The following EYS variants were observed in gnomAD, a reference collection of about 807,000 sequenced individuals.
The protein encoded by EYS is protein eyes shut homolog.
A neutral mutation model predicts 282.1 loss-of-function variants in EYS; 250 were observed. That is an observed-to-expected ratio of 0.89 (90% CI 0.80 to 0.98). The LOEUF (loss-of-function observed/expected upper bound fraction) is 0.98. Among genes scored for constraint, EYS ranks in the 50% least tolerant of loss-of-function variants. The pLI is 0.00. For missense variants in EYS, 4,016 were observed against 3,709.0 expected, an observed-to-expected ratio of 1.08 and a Z score of -2.15; for synonymous variants, 1,355 against 1,282.9, an observed-to-expected ratio of 1.06 and a Z score of -1.20.
chr6:64,155,596 A>G (rs1218954514), intron 31 of EYS, among the ~76,000 whole-genome samples: 1 of 152,180 alleles, frequency 6.6e-6, no homozygotes, highest in Non-Finnish European at 1.5e-5. Context: ...CTTTTATGAC[A>G]TACTAATATA....
chr6:65,123,786 AC>A (rs1321890892), intron 12 of EYS, among the ~76,000 whole-genome samples: 2 of 150,454 alleles, frequency 1.3e-5, no homozygotes, highest in African/African-American at 2.5e-5. Context: ...ACACACACAC[AC>A]TAGTTTAGTC....
chr6:64,196,070 A>G (rs1416885045), intron 31 of EYS, among the ~76,000 whole-genome samples: 2 of 152,228 alleles, frequency 1.3e-5, no homozygotes, highest in Non-Finnish European at 2.9e-5. Context: ...AACCCCATCA[A>G]AAAGTGGGCA....
chr6:64,298,628 T>C (rs950096430), intron 30 of EYS, among the ~76,000 whole-genome samples: 5 of 152,058 alleles, frequency 3.3e-5, no homozygotes, highest in African/African-American at 1.2e-4. Context: ...AGACAAAAAC[T>C]ATCAAGAATA....
At chr6:64,116,683 A>G (rs1773397286) in intron 31 of EYS, among the ~76,000 whole-genome samples, 1 of 152,142 alleles carries the variant, frequency 6.6e-6, no homozygotes, top group South Asian at 2.1e-4. Flanking sequence ...GGACTGAGAG[A>G]GCAAATTAAG....
At chr6:64,029,043 G>A (rs979709770) in intron 33 of EYS, among the ~76,000 whole-genome samples, 2 of 152,086 alleles carry the variant, frequency 1.3e-5, no homozygotes, top group Admixed American at 6.6e-5. Context: ...CAGATACAGC[G>A]AGATAGCCAG....
chr6:64,751,707 C>T (rs1050999950), intron 22 of EYS, among the ~76,000 whole-genome samples: 1 of 152,212 alleles, frequency 6.6e-6, no homozygotes, highest in Non-Finnish European at 1.5e-5. Flanking sequence ...GGAGGTGGAA[C>T]TGCACAACCT....
At chr6:64,051,122 G>A (rs1052698482) in intron 33 of EYS, among the ~76,000 whole-genome samples, 2 of 152,074 alleles carry the variant, frequency 1.3e-5, no homozygotes, top group Non-Finnish European at 2.9e-5. Flanking sequence ...GTTAGGAGCT[G>A]GGAGTATTTT....
chr6:64,193,704 A>G (rs1366517916), intron 31 of EYS, among the ~76,000 whole-genome samples: 1 of 151,942 alleles, frequency 6.6e-6, no homozygotes, highest in Non-Finnish European at 1.5e-5. Flanking sequence ...CCTGTGTCCA[A>G]GTGTTCTCAT....
chr6:64,999,699 T>G (rs889091890), intron 13 of EYS, among the ~76,000 whole-genome samples: 7 of 152,122 alleles, frequency 4.6e-5, no homozygotes, highest in Admixed American at 6.6e-5. Flanking sequence ...CAGTGGCACC[T>G]GGACATTGAG....
intron 35 of EYS, among the ~76,000 whole-genome samples, chr6:63,976,303 A>G (rs1366634588): frequency 6.6e-6 from 1 of 152,094 alleles, no homozygotes; most frequent in Non-Finnish European, 1.5e-5. Context: ...CTATGATGTT[A>G]CAATAGCCAC....
chr6:64,174,905 C>G (rs1198201225), intron 31 of EYS, among the ~76,000 whole-genome samples: 1 of 151,878 alleles, frequency 6.6e-6, no homozygotes, highest in Non-Finnish European at 1.5e-5. Flanking sequence ...AATAAGAACT[C>G]ATGTTGGATT....
intron 12 of EYS, among the ~76,000 whole-genome samples, chr6:65,161,665 A>T (rs1233557313): frequency 6.6e-6 from 1 of 151,182 alleles, no homozygotes; most frequent in Non-Finnish European, 1.5e-5. Context: ...TACTTATCTC[A>T]AAGAGATGTT....
intron 11 of EYS, among the ~76,000 whole-genome samples, chr6:65,327,187 A>G (rs192430002): frequency 8.2e-4 from 125 of 151,744 alleles, no homozygotes; most frequent in Non-Finnish European, 1.4e-3. Context: ...CCACCTTGAT[A>G]TATCAAGTCT....
At chr6:64,766,030 G>A (rs1381532444) in intron 22 of EYS, among the ~76,000 whole-genome samples, 1 of 151,912 alleles carries the variant, frequency 6.6e-6, no homozygotes, top group Non-Finnish European at 1.5e-5. Flanking sequence ...GGGAAAAAAT[G>A]AAATCCCCCT....
intron 22 of EYS, among the ~76,000 whole-genome samples, chr6:64,676,106 C>A (rs1769662198): frequency 7.8e-6 from 1 of 128,540 alleles, no homozygotes; most frequent in Middle Eastern, 7.9e-3. Context: ...AGAGAGAGAG[C>A]CATTTAATCT....
At chr6:65,659,813 C>T (rs1459435134) in intron 1 of EYS, among the ~76,000 whole-genome samples, 1 of 151,546 alleles carries the variant, frequency 6.6e-6, no homozygotes, top group African/African-American at 2.4e-5. Context: ...CATTACTATA[C>T]AATGAAGAGT....
chr6:65,371,739 CTCTGTGTGTGTGTGTG>C (rs1336393273), intron 8 of EYS, among the ~76,000 whole-genome samples: 14 of 51,694 alleles, frequency 2.7e-4, no homozygotes, highest in African/African-American at 1.1e-3. Flanking sequence ...CTCTCTCTCT[CTCTGTGTGTGTGTGTG>C]TGTGTGTGTG....
At chr6:64,597,809 T>G (rs929819848) in intron 24 of EYS, among the ~76,000 whole-genome samples, 4 of 152,178 alleles carry the variant, frequency 2.6e-5, no homozygotes, top group Non-Finnish European at 2.9e-5. Context: ...ATTTCATCAT[T>G]ATGCCATATA....
At chr6:64,950,378 A>G (rs1219282218) in intron 14 of EYS, among the ~76,000 whole-genome samples, 13 of 151,950 alleles carry the variant, frequency 8.6e-5, no homozygotes, top group Admixed American at 8.5e-4. Context: ...TGAGACTATC[A>G]AAACCTAGCT....
Sources: gnomAD v4.1 joint callset for allele counts (sites outside exome capture counted in the v4.1 genomes callset) on GRCh38, gnomAD v4.1.1 for gene constraint, MANE v1.5 for transcripts, NCBI Gene and HGNC (gene_info 2026-07-23, HGNC 2026-07-21) for gene names.